Variants in GALNT13 observed in about 807,000 individuals in gnomAD.
GALNT13 encodes the protein polypeptide N-acetylgalactosaminyltransferase 13.
A neutral mutation model predicts 64.2 loss-of-function variants in GALNT13; 28 were observed. The observed-to-expected ratio is 0.44, with a 90% confidence interval of 0.32 to 0.60. The LOEUF is 0.60. Ranked by LOEUF, GALNT13 falls within the 20% of genes least tolerant of loss-of-function variation. The pLI is 0.05. For synonymous variants in GALNT13, 214 were observed against 224.6 expected (o/e 0.95, Z 0.42); for missense variants, 577 against 669.8 (o/e 0.86, Z 1.53).
At chr2:154,376,392 T>C (rs1423613807) in intron 9 of GALNT13, among the ~76,000 whole-genome samples, 1 of 152,158 alleles carries the variant, frequency 6.6e-6, no homozygotes, top group Non-Finnish European at 1.5e-5. Context: ...TGGGATACAT[T>C]TGAGCTAAAT....
chr2:153,253,613 G>GA, the GALNT13 span, among the ~76,000 whole-genome samples: 21 of 150,500 alleles, frequency 1.4e-4, no homozygotes, highest in East Asian at 3.3e-3. Flanking sequence ...GTCTGTCATA[G>GA]ATAGCTCTTA....
chr2:153,632,027 C>G, the GALNT13 span, among the ~76,000 whole-genome samples: 1 of 152,098 alleles, frequency 6.6e-6, no homozygotes, highest in African/African-American at 2.4e-5. Flanking sequence ...ACCTTTGACA[C>G]TGTCCAAGGC....
chr2:154,061,771 T>C (rs1700200608), intron 3 of GALNT13, among the ~76,000 whole-genome samples: 1 of 152,196 alleles, frequency 6.6e-6, no homozygotes, highest in African/African-American at 2.4e-5. Flanking sequence ...TTTTTGGCTT[T>C]ATGTTTGTTT....
chr2:153,268,234 G>T, the GALNT13 span, among the ~76,000 whole-genome samples: 1 of 152,194 alleles, frequency 6.6e-6, no homozygotes, highest in South Asian at 2.1e-4. Flanking sequence ...GGTGGCACAG[G>T]CATTGAGTAA....
chr2:153,766,880 G>T, the GALNT13 span, among the ~76,000 whole-genome samples: 1 of 151,938 alleles, frequency 6.6e-6, no homozygotes, highest in East Asian at 1.9e-4. Context: ...TTTCTTTAGG[G>T]TCCATTATCG....
chr2:154,449,178 A>T (rs1701743945), intron 12 of GALNT13, among the ~76,000 whole-genome samples: 1 of 151,942 alleles, frequency 6.6e-6, no homozygotes. Flanking sequence ...GCAACAACAA[A>T]GGTCTCAATC....
rs116464349 is a variant in GALNT13 at position 154,155,705 on chromosome 2, C to T, written c.311+15200C>T. Among the ~76,000 whole-genome samples the T allele has an allele frequency of 2.1e-3, 316 of 151,798 alleles. 2 individuals carry two copies. The highest frequency in any genetic ancestry group is 6.9e-3 in the African/African-American group (284 of 41,456). The stretch of plus-strand genomic sequence containing the variant: ...TATTCTCATCAGCTTGCAAAGTCTC[C>T]CTGTAGAAGCCAGTATACTTTCTGT... On this transcript the variant is annotated intron_variant, in intron 4 of 12. Transcript: ENST00000392825.
the GALNT13 span, among the ~76,000 whole-genome samples, chr2:153,238,898 C>T: frequency 1.4e-4 from 22 of 151,966 alleles, no homozygotes; most frequent in African/African-American, 5.1e-4. Flanking sequence ...GGTATTTTGA[C>T]AGGGATTGTG....
intron 11 of GALNT13, among the ~76,000 whole-genome samples, chr2:154,413,430 C>G (rs1286624657): frequency 1.3e-5 from 2 of 151,940 alleles, no homozygotes; most frequent in African/African-American, 4.8e-5. Context: ...ATTTTCATAA[C>G]TCATAATTCA....
the GALNT13 span, among the ~76,000 whole-genome samples, chr2:153,153,336 C>T: frequency 6.6e-6 from 1 of 152,006 alleles, no homozygotes; most frequent in Non-Finnish European, 1.5e-5. Flanking sequence ...AAAATATTTT[C>T]CCATTTTATA....
chr2:153,621,935 C>T, the GALNT13 span, among the ~76,000 whole-genome samples: 12 of 152,078 alleles, frequency 7.9e-5, 1 homozygote, highest in Admixed American at 4.6e-4. Context: ...CCTCAATTTT[C>T]GGAAGCAGCT....
the GALNT13 span, among the ~76,000 whole-genome samples, chr2:153,811,322 C>T: frequency 2.0e-5 from 3 of 152,102 alleles, no homozygotes; most frequent in Non-Finnish European, 4.4e-5. Context: ...ATTTCTTTCC[C>T]TTAGGAGACT....
At chr2:153,758,814 A>C in the GALNT13 span, among the ~76,000 whole-genome samples, 1 of 151,760 alleles carries the variant, frequency 6.6e-6, no homozygotes, top group Non-Finnish European at 1.5e-5. Context: ...CTGGTCTTGA[A>C]CTCCTGTGCT....
the GALNT13 span, among the ~76,000 whole-genome samples, chr2:153,655,921 C>T: frequency 1.3e-5 from 2 of 152,154 alleles, no homozygotes; most frequent in South Asian, 2.1e-4. Context: ...ATAATATGAT[C>T]TGAAACATAT....
intron 4 of GALNT13, among the ~76,000 whole-genome samples, chr2:154,214,477 T>C (rs1158399077): frequency 1.3e-5 from 2 of 152,194 alleles, no homozygotes. Context: ...TTGATATGGT[T>C]TGGCTCTGGG....
At chr2:153,400,540 G>C in the GALNT13 span, among the ~76,000 whole-genome samples, 1 of 152,142 alleles carries the variant, frequency 6.6e-6, no homozygotes, top group East Asian at 1.9e-4. Context: ...ATTCGGCTGT[G>C]AATCCATCTG....
At chr2:154,356,128 GGCTTAAAATCT>G (rs1696735009) in intron 9 of GALNT13, among the ~76,000 whole-genome samples, 1 of 151,920 alleles carries the variant, frequency 6.6e-6, no homozygotes, top group Admixed American at 6.6e-5. Flanking sequence ...TCTCAGAAGT[GGCTTAAAATCT>G]GTTTGCTTTG....
At chr2:154,225,149 A>AGAT (rs1553499102) in intron 4 of GALNT13, among the ~76,000 whole-genome samples, 2,172 of 79,460 alleles carry the variant, frequency 0.027, 22 homozygotes, top group Non-Finnish European at 0.033. Context: ...GATAGATGAC[A>AGAT]GATAGATAGA....
the GALNT13 span, among the ~76,000 whole-genome samples, chr2:153,474,378 T>C: frequency 6.6e-6 from 1 of 152,154 alleles, no homozygotes; most frequent in Non-Finnish European, 1.5e-5. Context: ...AGAGTTAGTA[T>C]AGGAAGACAC....
Sources: allele counts gnomAD v4.1 joint callset (sites outside exome capture counted in the v4.1 genomes callset), GRCh38; gene constraint gnomAD v4.1.1; transcripts MANE v1.5; gene names NCBI Gene and HGNC (gene_info 2026-07-23, HGNC 2026-07-21).